The following AGBL4 variants were observed in gnomAD, a reference collection of about 807,000 sequenced individuals.
AGBL4 encodes the protein AGBL carboxypeptidase 4.
Under a neutral mutation model 66.4 loss-of-function variants are expected in AGBL4, and 58 were observed. The observed-to-expected ratio is 0.87, with a 90% CI of 0.71 to 1.09. AGBL4 has a LOEUF of 1.09. Ranked by LOEUF, AGBL4 falls within the 50% of genes least tolerant of loss-of-function variation. The pLI is 0.00. For synonymous variants in AGBL4, 234 were observed against 222.9 expected (o/e 1.05, Z -0.44); for missense variants, 579 against 631.0 (o/e 0.92, Z 0.88).
chr1:49,504,260 A>C (rs1648474151), intron 3 of AGBL4, among the ~76,000 whole-genome samples: 1 of 152,086 alleles, frequency 6.6e-6, no homozygotes, highest in African/African-American at 2.4e-5. Flanking sequence ...AAGTTTTCTG[A>C]GGCCTCCCCA....
intron 3 of AGBL4, among the ~76,000 whole-genome samples, chr1:49,402,565 A>C (rs1463823233): frequency 7.3e-6 from 1 of 136,228 alleles, no homozygotes; most frequent in African/African-American, 2.6e-5. Flanking sequence ...AATATTTTGA[A>C]TGCCTTTTTT....
intron 6 of AGBL4, among the ~76,000 whole-genome samples, chr1:48,685,917 A>G (rs546719848): frequency 6.6e-6 from 1 of 152,226 alleles, no homozygotes; most frequent in Non-Finnish European, 1.5e-5. Context: ...CTTAGAATCT[A>G]CTAAGCTCTG....
chr1:49,855,537 A>G (rs2148072015), intron 1 of AGBL4, among the ~76,000 whole-genome samples: 1 of 152,332 alleles, frequency 6.6e-6, no homozygotes. Context: ...CAAAAAATCA[A>G]AATCATATCA....
intron 6 of AGBL4, among the ~76,000 whole-genome samples, chr1:48,747,379 G>T (rs2148615404): frequency 6.6e-6 from 1 of 152,224 alleles, no homozygotes; most frequent in Admixed American, 6.5e-5. Context: ...AAGTATGAAA[G>T]GTAGTACTTG....
intron 3 of AGBL4, among the ~76,000 whole-genome samples, chr1:49,619,383 A>G (rs932724677): frequency 6.6e-6 from 1 of 152,162 alleles, no homozygotes; most frequent in Non-Finnish European, 1.5e-5. Flanking sequence ...CTACAAAGAG[A>G]ATAAAATACC....
At chr1:49,811,000 A>C (rs1645088818) in intron 2 of AGBL4, among the ~76,000 whole-genome samples, 1 of 152,184 alleles carries the variant, frequency 6.6e-6, no homozygotes, top group Admixed American at 6.5e-5. Flanking sequence ...AGCAGGACTT[A>C]GTTACTTTTC....
At chr1:49,603,972 ACACACACAC>A (rs1571155028) in intron 3 of AGBL4, among the ~76,000 whole-genome samples, 1 of 138,692 alleles carries the variant, frequency 7.2e-6, no homozygotes, top group East Asian at 2.0e-4. Context: ...ACACACACAC[ACACACACAC>A]CACATTTTAG....
chr1:49,742,423 C>G (rs1440455032), intron 2 of AGBL4, among the ~76,000 whole-genome samples: 1 of 152,036 alleles, frequency 6.6e-6, no homozygotes, highest in African/African-American at 2.4e-5. Flanking sequence ...AATGGAAGAA[C>G]ATTCCATGCT....
chr1:49,741,031 G>T (rs1191261812), intron 2 of AGBL4, among the ~76,000 whole-genome samples: 2 of 151,956 alleles, frequency 1.3e-5, no homozygotes. Flanking sequence ...CTAGCAGAAG[G>T]CAAGAAATAA....
At chr1:49,061,126 C>G (rs564299268) in intron 4 of AGBL4, among the ~76,000 whole-genome samples, 1 of 152,246 alleles carries the variant, frequency 6.6e-6, no homozygotes, top group East Asian at 1.9e-4. Flanking sequence ...ACTTTCAGCT[C>G]TCCTGGGGGC....
At chr1:49,883,175 T>G (rs1196832788) in intron 1 of AGBL4, among the ~76,000 whole-genome samples, 1 of 152,216 alleles carries the variant, frequency 6.6e-6, no homozygotes, top group Non-Finnish European at 1.5e-5. Context: ...TTTGATTTAT[T>G]AATACAACAC....
chr1:48,761,371 TA>T, intron 6 of AGBL4: 1 of 1,552,076 alleles, frequency 6.4e-7, no homozygotes, highest in Non-Finnish European at 8.7e-7. Context: ...TTCTTCCCCA[TA>T]ATCTTTAACC....
chr1:49,544,263 T>C (rs1652304026), intron 3 of AGBL4, among the ~76,000 whole-genome samples: 1 of 152,242 alleles, frequency 6.6e-6, no homozygotes, highest in South Asian at 2.1e-4. Context: ...ACCTGTTGTA[T>C]GGGTAACAAT....
chr1:48,629,322 G>T (rs1038269790), intron 9 of AGBL4, among the ~76,000 whole-genome samples: 50 of 152,178 alleles, frequency 3.3e-4, no homozygotes, highest in African/African-American at 1.1e-3. Flanking sequence ...TCTGTGGTGT[G>T]TGTACTAGGA....
At chr1:49,259,305 A>G (rs1357790140) in intron 3 of AGBL4, among the ~76,000 whole-genome samples, 2 of 152,140 alleles carry the variant, frequency 1.3e-5, no homozygotes, top group Non-Finnish European at 2.9e-5. Flanking sequence ...CACACATAAC[A>G]ATATTAACTT....
intron 2 of AGBL4, among the ~76,000 whole-genome samples, chr1:49,826,129 T>G (rs898868699): frequency 1.3e-5 from 2 of 152,132 alleles, no homozygotes; most frequent in African/African-American, 2.4e-5. Context: ...TAAAAAGTTG[T>G]TTTTTTCCTG....
chr1:49,944,370 C>G (rs1266344358), intron 1 of AGBL4, among the ~76,000 whole-genome samples: 1 of 152,112 alleles, frequency 6.6e-6, no homozygotes, highest in African/African-American at 2.4e-5. Context: ...TGTTTCATAA[C>G]ACAGGACTCT....
intron 6 of AGBL4, among the ~76,000 whole-genome samples, chr1:48,748,749 G>T (rs1053984885): frequency 2.0e-5 from 3 of 152,102 alleles, no homozygotes; most frequent in Non-Finnish European, 4.4e-5. Context: ...ATCCTAGAAG[G>T]CTTCAGGAAA....
chr1:48,595,358 A>G (rs1225354161), intron 9 of AGBL4, among the ~76,000 whole-genome samples: 1 of 152,246 alleles, frequency 6.6e-6, no homozygotes. Context: ...AGGAATGAAT[A>G]AGAAAATGAA....
Sources: allele counts gnomAD v4.1 joint callset (sites outside exome capture counted in the v4.1 genomes callset), GRCh38; gene constraint gnomAD v4.1.1; transcripts MANE v1.5; gene names NCBI Gene and HGNC (gene_info 2026-07-23, HGNC 2026-07-21).